The following BCAS1 variants were observed in gnomAD, a reference collection of about 807,000 sequenced individuals.
The protein encoded by BCAS1 is breast carcinoma-amplified sequence 1.
In BCAS1, 46 loss-of-function variants were observed where a neutral mutation model predicts 65.4. The observed-to-expected ratio is 0.70, with a 90% CI of 0.55 to 0.90. BCAS1 has a LOEUF of 0.90. BCAS1 is among the 40% of genes least tolerant of loss of function. The pLI is 0.00. For missense variants in BCAS1, 793 were observed against 771.2 expected (o/e 1.03, Z -0.33); for synonymous variants, 298 against 293.5 (o/e 1.02, Z -0.16).
At chr20:54,003,280 T>C (rs1018707486) in intron 4 of BCAS1, among the ~76,000 whole-genome samples, 1 of 149,946 alleles carries the variant, frequency 6.7e-6, no homozygotes, top group African/African-American at 2.4e-5. Flanking sequence ...GCAAAGTTCC[T>C]GACACAGAGT....
At chr20:53,969,424 T>C (rs559337876) in intron 9 of BCAS1, among the ~76,000 whole-genome samples, 11 of 152,278 alleles carry the variant, frequency 7.2e-5, no homozygotes, top group Non-Finnish European at 1.6e-4. Context: ...GTGTTTAATA[T>C]TTTTTTATAA....
chr20:54,033,077 G>A (rs1300677305), intron 3 of BCAS1, among the ~76,000 whole-genome samples: 11 of 151,200 alleles, frequency 7.3e-5, no homozygotes, highest in Admixed American at 6.6e-4. Context: ...AATTAAGGCA[G>A]AAATCAAGAA....
In BCAS1 at chr20:54,028,721, T is replaced by C; in HGVS notation, c.394A>G (p.Lys132Glu). 1 of 1,614,194 alleles carries C rather than the reference T, an allele frequency of 6.2e-7. No individual in the cohort carries two copies. Among genetic ancestry groups the C allele is most frequent in the African/African-American group, 1.3e-5 (1 of 75,040 alleles). ...DVSSNKAPAN[K>E]DPSESWTLPV... The stretch of plus-strand genomic sequence containing the variant: ...AGTGTCCAGCTCTCACTTGGGTCTT[T>C]GTTCGCTGGAGCTTTATTGGAGCTG... The change falls in exon 4 of 13, where the codon AAA becomes GAA. Residue 132 changes from lysine to glutamate, a missense_variant. Physicochemically the swap from Lys to Glu is moderately conservative, Grantham distance 56. Coordinates refer to ENST00000688948, the MANE Select transcript of BCAS1 (RefSeq NM_001366298.2).
chr20:54,061,528 T>C (rs931542605), intron 1 of BCAS1, among the ~76,000 whole-genome samples: 5 of 152,232 alleles, frequency 3.3e-5, no homozygotes, highest in African/African-American at 1.2e-4. Flanking sequence ...AAGGAGTCAA[T>C]GAGTCACCAG....
rs139844655 is a variant in BCAS1 at position 54,008,002 on chromosome 20, T to C, written c.724-11952A>G. On this transcript the variant is annotated intron_variant, in intron 4 of 12. Coordinates refer to ENST00000688948, the MANE Select transcript of BCAS1 (RefSeq NM_001366298.2). ...GAAATTAGCAACCTGGAAACACCTA[T>C]AGGCTCTGACATACTCACAAATCCT... 7.5e-4 allele frequency among the ~76,000 whole-genome samples: 115 copies of C among 152,318 alleles called. 3 individuals are homozygous for C. The East Asian group carries it at 0.015, about 20-fold the overall frequency.
intron 4 of BCAS1, among the ~76,000 whole-genome samples, chr20:53,999,054 AT>A (rs1368930496): frequency 1.3e-5 from 2 of 152,198 alleles, no homozygotes; most frequent in African/African-American, 4.8e-5. Context: ...TCTATAGATT[AT>A]TTGGCTATGA....
chr20:53,973,100 T>A (rs1016618123), intron 9 of BCAS1, among the ~76,000 whole-genome samples: 24 of 152,136 alleles, frequency 1.6e-4, no homozygotes, highest in Admixed American at 1.2e-3. Flanking sequence ...TGGTGGCGCA[T>A]GCCTGTAATC....
intron 9 of BCAS1, among the ~76,000 whole-genome samples, chr20:53,967,657 A>G (rs1262592135): frequency 6.6e-6 from 1 of 152,274 alleles, no homozygotes; most frequent in Non-Finnish European, 1.5e-5. Context: ...TGCTTTCAGA[A>G]GAAAAATGAA....
At chr20:54,063,564 G>A (rs1278817140) in intron 1 of BCAS1, among the ~76,000 whole-genome samples, 1 of 152,192 alleles carries the variant, frequency 6.6e-6, no homozygotes, top group Admixed American at 6.5e-5. Context: ...AAATGCCCCA[G>A]TGATTCTCAT....
intron 10 of BCAS1, among the ~76,000 whole-genome samples, chr20:53,966,619 A>G (rs887783476): frequency 1.3e-5 from 2 of 152,186 alleles, no homozygotes; most frequent in African/African-American, 4.8e-5. Flanking sequence ...TATGCTCACA[A>G]CTATTGAAAT....
chr20:53,995,854 C>T, intron 5 of BCAS1, 38 bp downstream of exon 5: 1 of 1,543,970 alleles, frequency 6.5e-7, no homozygotes, highest in Non-Finnish European at 8.7e-7. Context: ...AACTTTTGAG[C>T]AATAGAGTGG....
At chr20:54,010,570 T>C (rs184325438) in intron 4 of BCAS1, among the ~76,000 whole-genome samples, 365 of 152,256 alleles carry the variant, frequency 2.4e-3, no homozygotes, top group African/African-American at 8.3e-3. Context: ...AGCTATATAA[T>C]GCTAATGAAA....
In BCAS1 at chr20:54,028,627, A is replaced by C; in HGVS notation, c.488T>G (p.Val163Gly). 1 of 1,613,862 alleles carries C rather than the reference A, an allele frequency of 6.2e-7. No homozygotes were observed. The highest frequency in any genetic ancestry group is 8.5e-7 in the Non-Finnish European group (1 of 1,179,948). Residue 163 changes from valine to glycine, a missense_variant, in exon 4 of 13, where the codon GTC becomes GGC. Coordinates refer to ENST00000688948, the MANE Select transcript of BCAS1 (RefSeq NM_001366298.2). The stretch of plus-strand genomic sequence containing the variant: ...CGTGGGATCCCTGGCGGCAGAGAGG[A>C]CCTTGTCTTGGGCCGGGGCGTGCCC... ...TPGHAPAQDK[V>G]LSAARDPTLL...
At chr20:54,064,999 GA>G (rs1433908183) in intron 1 of BCAS1, among the ~76,000 whole-genome samples, 1 of 152,134 alleles carries the variant, frequency 6.6e-6, no homozygotes, top group Non-Finnish European at 1.5e-5. Context: ...AATGTGATGG[GA>G]AAGTGCCTGG....
At chr20:53,963,871 T>C (rs558054050) in intron 10 of BCAS1, among the ~76,000 whole-genome samples, 5 of 152,298 alleles carry the variant, frequency 3.3e-5, no homozygotes, top group South Asian at 2.1e-4. Context: ...CATTAACACA[T>C]GTGCATAGAA....
At chr20:53,958,447 C>T (rs751057559) in intron 10 of BCAS1, among the ~76,000 whole-genome samples, 5 of 152,158 alleles carry the variant, frequency 3.3e-5, no homozygotes, top group Non-Finnish European at 5.9e-5. Context: ...AGGGTTTCAG[C>T]CATATGGGGC....
intron 11 of BCAS1, among the ~76,000 whole-genome samples, chr20:53,956,033 T>A (rs986724528): frequency 2.0e-5 from 3 of 152,216 alleles, no homozygotes; most frequent in Non-Finnish European, 4.4e-5. Context: ...TTACCGTCCA[T>A]TTGTGAGTGT....
At chr20:53,952,894 C>T (rs1406252940) in intron 12 of BCAS1, among the ~76,000 whole-genome samples, 1 of 152,234 alleles carries the variant, frequency 6.6e-6, no homozygotes, top group Non-Finnish European at 1.5e-5. Flanking sequence ...ATGAACTGTT[C>T]TTTGCTCACA....
chr20:53,959,708 T>C (rs2145569629), intron 10 of BCAS1, among the ~76,000 whole-genome samples: 1 of 152,310 alleles, frequency 6.6e-6, no homozygotes, highest in Non-Finnish European at 1.5e-5. Context: ...TACTGCTTAG[T>C]GTGAAAGAGG....
Sources: gnomAD v4.1 joint callset for allele counts (sites outside exome capture counted in the v4.1 genomes callset) on GRCh38, gnomAD v4.1.1 for gene constraint, MANE v1.5 for transcripts, NCBI Gene and HGNC (gene_info 2026-07-23, HGNC 2026-07-21) for gene names.